Variants in EPM2A observed in about 807,000 individuals in gnomAD.
The protein encoded by EPM2A is EPM2A glucan phosphatase, laforin, also known as laforin.
EPM2A carries 21 observed loss-of-function variants against 26.5 expected under a neutral mutation model. The ratio of observed to expected loss-of-function variants is 0.79; its 90% CI spans 0.56 to 1.14. EPM2A has a LOEUF of 1.14. Ranked by LOEUF, EPM2A falls within the 50% of genes most tolerant of loss-of-function variation. The probability of loss-of-function intolerance (pLI) is 0.00; values close to 1 mark genes in which losing one functional copy is unlikely to be tolerated. For missense variants in EPM2A, 458 were observed against 440.8 expected (o/e 1.04, Z -0.35); for synonymous variants, 217 against 177.6 (o/e 1.22, Z -1.76).
In EPM2A at chr6:145,418,584, AC is replaced by A. The variant is rs375775866; in HGVS notation, c.556-34488del. On this transcript the variant is annotated intron_variant, in intron 4 of 4. Transcript: ENST00000638717. ...TTAGCAGACATGTGTTGCTGGGGCC[AC>A]CCGCTACCAGTTCTTCCTTCCTTGG... Among the ~76,000 whole-genome samples, 75 of 152,296 alleles carry A rather than the reference AC, an allele frequency of 4.9e-4. 1 individual carries two copies. Among genetic ancestry groups the A allele is most frequent in the African/African-American group, 1.7e-3 (69 of 41,574 alleles).
At chr6:145,709,745 A>T (rs1782434756) in intron 1 of EPM2A, among the ~76,000 whole-genome samples, 1 of 152,294 alleles carries the variant, frequency 6.6e-6, no homozygotes, top group Non-Finnish European at 1.5e-5. Flanking sequence ...GAGAAGAAAC[A>T]CAAAGTAGTT....
chr6:145,683,268 G>GGTT (rs1554263024), intron 2 of EPM2A, among the ~76,000 whole-genome samples: 1 of 134,010 alleles, frequency 7.5e-6, no homozygotes, highest in Non-Finnish European at 1.6e-5. Flanking sequence ...CCCAGGATTT[G>GGTT]GTGTGTGTGT....
intron 2 of EPM2A, among the ~76,000 whole-genome samples, chr6:145,684,226 G>T (rs1342164021): frequency 1.3e-5 from 2 of 151,978 alleles, no homozygotes; most frequent in Non-Finnish European, 2.9e-5. Flanking sequence ...CAATAAAAAA[G>T]ATGACAAATA....
At chr6:145,494,988 T>C (rs535602057) in intron 4 of EPM2A, among the ~76,000 whole-genome samples, 1 of 152,352 alleles carries the variant, frequency 6.6e-6, no homozygotes, top group East Asian at 1.9e-4. Context: ...GAGAGTTCTG[T>C]AGATACCTAT....
At chr6:145,636,570 C>A (rs1430407076) in intron 2 of EPM2A, 1 of 151,966 alleles carries the variant, frequency 6.6e-6, no homozygotes, top group East Asian at 1.9e-4. Context: ...CATTAGGGAA[C>A]TGGGCAATTG....
In EPM2A at chr6:145,462,444, T is replaced by C. The variant is rs1325746342; in HGVS notation, c.555+40078A>G. Among the ~76,000 whole-genome samples the C allele has an allele frequency of 2.6e-5, 4 of 152,216 alleles. No individual in the cohort carries two copies. In the East Asian group the frequency reaches 5.8e-4, roughly 22 times the overall value. On this transcript the variant is annotated intron_variant, in intron 4 of 4. Coordinates refer to the EPM2A transcript ENST00000638717. ...TAAGTATATTTTTCCACAGGGAATA[T>C]CCTTTCATCAATTCTCAAAAGATTA...
chr6:145,537,667 G>A (rs1780450701), intron 2 of EPM2A, among the ~76,000 whole-genome samples: 2 of 150,906 alleles, frequency 1.3e-5, no homozygotes, highest in South Asian at 4.2e-4. Flanking sequence ...CATGTGTCCT[G>A]GTGTTTTGCT....
At chr6:145,631,865 TCTCTCTCACACA>T (rs951464130) in intron 3 of EPM2A, 6 of 118,656 alleles carry the variant, frequency 5.1e-5, no homozygotes, top group East Asian at 2.2e-4. Context: ...TCTCTCTCTC[TCTCTCTCACACA>T]CACACACACA....
chr6:145,395,353 T>C (rs780845121), intron 4 of EPM2A, among the ~76,000 whole-genome samples: 1 of 152,132 alleles, frequency 6.6e-6, no homozygotes, highest in Non-Finnish European at 1.5e-5. Flanking sequence ...CTTTTCCCTT[T>C]TTGTCCCAAA....
intron 1 of EPM2A, among the ~76,000 whole-genome samples, chr6:145,716,883 T>C (rs1187900312): frequency 2.6e-5 from 4 of 152,212 alleles, no homozygotes; most frequent in Non-Finnish European, 2.9e-5. Context: ...AAAACAGCTT[T>C]GTTGTTGTAT....
At chr6:145,619,740 A>T (rs1775591817) in intron 2 of EPM2A, among the ~76,000 whole-genome samples, 1 of 152,156 alleles carries the variant, frequency 6.6e-6, no homozygotes, top group African/African-American at 2.4e-5. Context: ...ACACAAAAAG[A>T]AAAAGAGGAA....
At chr6:145,697,141 C>G (rs960050664) in intron 1 of EPM2A, among the ~76,000 whole-genome samples, 2 of 152,056 alleles carry the variant, frequency 1.3e-5, no homozygotes, top group African/African-American at 2.4e-5. Context: ...TCTATTTTCC[C>G]TAAGTGTCAG....
In EPM2A at chr6:145,686,294, T is replaced by C. The variant is rs376750373; in HGVS notation, c.304A>G (p.Asn102Asp). The C allele has an allele frequency of 9.3e-6, 15 of 1,613,150 alleles. No individual in the cohort carries two copies. The African/African-American group carries it at 1.2e-4, about 13-fold the overall frequency. Reference sequence around the variant, plus strand: ...CAGCAACGGTCATGATGAGGTCCATTGCCTAGAACAAGAAAAAATGATAAA... The same window carrying C: ...CAGCAACGGTCATGATGAGGTCCATCGCCTAGAACAAGAAAAAATGATAAA... Reference protein sequence around the residue: ...EPGGELSWEGNGPHHDRCCTY... With the variant: ...EPGGELSWEGDGPHHDRCCTY... Residue 102 changes from asparagine to aspartate, a missense_variant and splice_region_variant, in exon 2 of 4, where the codon AAT (asparagine) becomes GAT (aspartate). Transcript: ENST00000367519.
chr6:145,458,803 T>C (rs1029400678), intron 4 of EPM2A, among the ~76,000 whole-genome samples: 1 of 139,204 alleles, frequency 7.2e-6, no homozygotes, highest in African/African-American at 2.7e-5. Flanking sequence ...TCTTCACTGA[T>C]AGTTCTTTAA....
intron 2 of EPM2A, among the ~76,000 whole-genome samples, chr6:145,566,542 T>C (rs1335726185): frequency 6.6e-6 from 1 of 152,228 alleles, no homozygotes; most frequent in African/African-American, 2.4e-5. Flanking sequence ...TGCTGACTGG[T>C]GATCACCTTG....
intron 2 of EPM2A, among the ~76,000 whole-genome samples, chr6:145,605,943 G>T (rs1216075505): frequency 2.0e-5 from 3 of 152,050 alleles, no homozygotes; most frequent in African/African-American, 7.2e-5. Context: ...TGGGTTCATT[G>T]TTAAAGAAAT....
chr6:145,677,280 T>C (rs1780126404), intron 2 of EPM2A, among the ~76,000 whole-genome samples: 1 of 152,138 alleles, frequency 6.6e-6, no homozygotes, highest in South Asian at 2.1e-4. Flanking sequence ...ATGGAACATA[T>C]CTCAAAATAG....
Position 145,625,827 on chromosome 6 carries a change from CCTTCTAAATAAGAGTCT to C in EPM2A, c.*1572_*1588del. The C allele has an allele frequency of 6.5e-7, 1 of 1,549,638 alleles. No homozygotes were observed. The highest frequency in any genetic ancestry group is 8.7e-7 in the Non-Finnish European group (1 of 1,144,442). On this transcript the variant is annotated 3_prime_UTR_variant, in exon 4 of 4. Coordinates refer to ENST00000367519, the MANE Select transcript of EPM2A (RefSeq NM_005670.4). ...CCTTGTATCCTTCTTGTCCCCCACGCCTTCTAAATAAGAGTCTCTTGCATCTATCAATATGTGTTTGT... is the reference window on the plus strand; with the variant it reads ...CCTTGTATCCTTCTTGTCCCCCACGCCTTGCATCTATCAATATGTGTTTGT...
At chr6:145,445,800 A>C (rs546384104) in intron 4 of EPM2A, among the ~76,000 whole-genome samples, 3 of 152,320 alleles carry the variant, frequency 2.0e-5, no homozygotes, top group African/African-American at 4.8e-5. Flanking sequence ...AAAAATGGCT[A>C]TAAATTCTTT....
Sources: gnomAD v4.1 joint callset for allele counts (sites outside exome capture counted in the v4.1 genomes callset) on GRCh38, gnomAD v4.1.1 for gene constraint, MANE v1.5 for transcripts, NCBI Gene and HGNC (gene_info 2026-07-23, HGNC 2026-07-21) for gene names.